ANO4: variants seen among roughly 807,000 people sequenced by gnomAD.
The protein encoded by ANO4 is anoctamin-4.
A neutral mutation model predicts 141.9 loss-of-function variants in ANO4; 69 were observed. The ratio of observed to expected loss-of-function variants is 0.49; its 90% CI spans 0.40 to 0.59. The LOEUF (loss-of-function observed/expected upper bound fraction) is 0.59. Among genes scored for constraint, ANO4 ranks in the 20% least tolerant of loss-of-function variants. The probability of loss-of-function intolerance (pLI) is 0.00; values close to 1 mark genes in which losing one functional copy is unlikely to be tolerated. For missense variants in ANO4, 894 were observed against 1,162.2 expected, an observed-to-expected ratio of 0.77 and a Z score of 3.36; for synonymous variants, 350 against 394.3, an observed-to-expected ratio of 0.89 and a Z score of 1.33.
intron 5 of ANO4, among the ~76,000 whole-genome samples, chr12:100,948,231 G>A (rs1192160711): frequency 6.6e-6 from 1 of 151,196 alleles, no homozygotes; most frequent in Non-Finnish European, 1.5e-5. Flanking sequence ...AAAAGGTAAA[G>A]GAACAAGGAA....
intron 8 of ANO4, among the ~76,000 whole-genome samples, chr12:101,012,526 C>G (rs2046138779): frequency 6.6e-6 from 1 of 152,136 alleles, no homozygotes; most frequent in African/African-American, 2.4e-5. Context: ...CAGTAACAGT[C>G]TGGGTTTGTT....
chr12:101,076,379 T>C (rs545503807), intron 14 of ANO4, among the ~76,000 whole-genome samples: 3 of 152,304 alleles, frequency 2.0e-5, no homozygotes, highest in African/African-American at 7.2e-5. Flanking sequence ...CTTGATCTTA[T>C]ATTTCCCAGT....
upstream of ANO4, among the ~76,000 whole-genome samples, chr12:100,792,305 A>G (rs757889346): frequency 3.9e-5 from 6 of 152,182 alleles, no homozygotes; most frequent in Non-Finnish European, 7.4e-5. Flanking sequence ...TACATAATTC[A>G]GTTTATCTTG....
At chr12:100,842,150 G>T (rs1249967516) in intron 1 of ANO4, 1 of 141,416 alleles carries the variant, frequency 7.1e-6, no homozygotes, top group African/African-American at 2.6e-5. Flanking sequence ...TGTTTTTGCA[G>T]CCTAACCTTT....
At chr12:101,103,227 AT>A (rs1209382432) in intron 22 of ANO4, among the ~76,000 whole-genome samples, 10 of 108,828 alleles carry the variant, frequency 9.2e-5, no homozygotes, top group African/African-American at 3.7e-4. Context: ...ATATATATAT[AT>A]ATCTTTTTGT....
chr12:101,089,522 G>C (rs2049662255), intron 17 of ANO4, among the ~76,000 whole-genome samples: 1 of 152,130 alleles, frequency 6.6e-6, no homozygotes, highest in Non-Finnish European at 1.5e-5. Context: ...TGTAGGTAGA[G>C]AGTGATTCCT....
chr12:100,918,011 A>C (rs1037112787), intron 2 of ANO4, among the ~76,000 whole-genome samples: 4 of 152,170 alleles, frequency 2.6e-5, no homozygotes, highest in African/African-American at 4.8e-5. Context: ...GAATTTTTAC[A>C]TGTCTTTAAA....
At chr12:100,804,652 C>T (rs1041534697) in intron 1 of ANO4, among the ~76,000 whole-genome samples, 2 of 152,084 alleles carry the variant, frequency 1.3e-5, no homozygotes, top group East Asian at 1.9e-4. Flanking sequence ...TTCTGACTGG[C>T]GTGAGATGGT....
chr12:100,950,892 C>G (rs1024269380), intron 5 of ANO4, among the ~76,000 whole-genome samples: 3 of 152,264 alleles, frequency 2.0e-5, no homozygotes, highest in Admixed American at 6.5e-5. Context: ...GAGATGCCAG[C>G]AAACATGAAA....
At chr12:101,021,304 G>A (rs988833544) in intron 9 of ANO4, among the ~76,000 whole-genome samples, 1 of 152,210 alleles carries the variant, frequency 6.6e-6, no homozygotes, top group Non-Finnish European at 1.5e-5. Flanking sequence ...GGAGTACCAT[G>A]TGTTTCCAGC....
At chr12:100,764,144 T>A (rs2032984466) in intron 3 of ANO4, among the ~76,000 whole-genome samples, 1 of 152,248 alleles carries the variant, frequency 6.6e-6, no homozygotes, top group Admixed American at 6.5e-5. Context: ...ATTGTCATTT[T>A]TAAATGCAAT....
chr12:100,932,568 T>TAGC, intron 3 of ANO4, among the ~76,000 whole-genome samples: 1 of 152,320 alleles, frequency 6.6e-6, no homozygotes, highest in East Asian at 1.9e-4. Flanking sequence ...CCATAGGGTA[T>TAGC]TAACAATAGC....
chr12:100,803,017 G>T (rs2135670388), intron 1 of ANO4, among the ~76,000 whole-genome samples: 1 of 152,256 alleles, frequency 6.6e-6, no homozygotes, highest in Non-Finnish European at 1.5e-5. Context: ...GTGAACAAAA[G>T]TTATAATGAA....
At chr12:100,932,102 G>T (rs570190369) in intron 3 of ANO4, among the ~76,000 whole-genome samples, 1 of 151,568 alleles carries the variant, frequency 6.6e-6, no homozygotes, top group African/African-American at 2.4e-5. Flanking sequence ...ATGAACTGGC[G>T]CTCTAGAGAA....
intron 22 of ANO4, 60 bp downstream of exon 22, chr12:101,099,780 A>G (rs2050122903): frequency 1.5e-6 from 2 of 1,359,988 alleles, no homozygotes; most frequent in African/African-American, 3.0e-5. Flanking sequence ...AGGTATATTC[A>G]ACTAAACATA....
Position 101,100,538 on chromosome 12 carries a change from AACTT to A in ANO4, c.2149+820_2149+823del, listed in dbSNP as rs1389797653. On this transcript the variant is annotated intron_variant, in intron 22 of 27. Transcript: ENST00000392977. Reference sequence around the variant, plus strand: ...AAATCAATTTGGACATTAAAAATAAAACTTAATAAAGAGAATTCATTAAGAGAAC... The same window carrying A: ...AAATCAATTTGGACATTAAAAATAAAAATAAAGAGAATTCATTAAGAGAAC... Among the ~76,000 whole-genome samples, 6 of 152,318 alleles carry A rather than the reference AACTT, an allele frequency of 3.9e-5. No homozygotes were observed. The South Asian group carries it at 1.2e-3, about 32-fold the overall frequency.
intron 17 of ANO4, among the ~76,000 whole-genome samples, chr12:101,089,319 T>C (rs1185382259): frequency 6.6e-6 from 1 of 152,062 alleles, no homozygotes; most frequent in African/African-American, 2.4e-5. Context: ...ATAAAACATC[T>C]TTATTATTTT....
rs563428153 is a variant in ANO4, at chr12:101,056,238, G to T, written c.1312+7837G>T. On this transcript the variant is annotated intron_variant, in intron 14 of 27. Coordinates refer to ENST00000392977, the MANE Select transcript of ANO4 (RefSeq NM_001286615.2). The stretch of plus-strand genomic sequence containing the variant: ...GTTTGGAAAGATTGAGTGTCATTTA[G>T]CTTTTTGTTTATTTACATATTCTGT... 9.2e-5 allele frequency among the ~76,000 whole-genome samples: 14 copies of T among 152,222 alleles called. No individual in the cohort carries two copies. In the East Asian group the frequency reaches 2.5e-3, roughly 27 times the overall value.
In ANO4 at chr12:100,968,904, C is replaced by T. The variant is rs190729476; in HGVS notation, c.457-2402C>T. On this transcript the variant is annotated intron_variant, in intron 5 of 27. Transcript: ENST00000392977. Reference sequence around the variant, plus strand: ...CAGCCTGTGAGCTCATTCACATACCCCTAACTACTTAGCTCTGATCTAAGC... The same window carrying T: ...CAGCCTGTGAGCTCATTCACATACCTCTAACTACTTAGCTCTGATCTAAGC... 1.2e-3 allele frequency among the ~76,000 whole-genome samples: 183 copies of T among 152,242 alleles called. 1 individual carries two copies. The highest frequency in any genetic ancestry group is 3.9e-3 in the Admixed American group (59 of 15,278).
Sources: allele counts gnomAD v4.1 joint callset (sites outside exome capture counted in the v4.1 genomes callset), GRCh38; gene constraint gnomAD v4.1.1; transcripts MANE v1.5; gene names NCBI Gene and HGNC (gene_info 2026-07-23, HGNC 2026-07-21).